The following SMYD2 variants were observed in gnomAD, a reference collection of about 807,000 sequenced individuals.
SMYD2 encodes the protein SET and MYND domain containing 2.
In SMYD2, 53 loss-of-function variants were observed where a neutral mutation model predicts 59.1. The observed-to-expected ratio is 0.90, with a 90% CI of 0.72 to 1.13. The LOEUF (loss-of-function observed/expected upper bound fraction) is 1.13. Ranked by LOEUF, SMYD2 falls within the 50% of genes most tolerant of loss-of-function variation. The pLI, the probability that SMYD2 is intolerant of heterozygous loss-of-function variation, is 0.00. For missense variants in SMYD2, 494 were observed against 544.7 expected, an observed-to-expected ratio of 0.91 and a Z score of 0.93; for synonymous variants, 208 against 198.8, an observed-to-expected ratio of 1.05 and a Z score of -0.39.
intron 1 of SMYD2, among the ~76,000 whole-genome samples, chr1:214,297,540 C>T (rs1345896804): frequency 6.6e-6 from 1 of 152,132 alleles, no homozygotes; most frequent in African/African-American, 2.4e-5. Flanking sequence ...TAGTCGAACA[C>T]TCATAGGATC....
intron 1 of SMYD2, among the ~76,000 whole-genome samples, chr1:214,287,358 G>A (rs1016916644): frequency 6.6e-5 from 10 of 151,520 alleles, no homozygotes; most frequent in Admixed American, 5.3e-4. Context: ...AAGCCGAGGC[G>A]GGCGGATTAC....
At position 214,305,179 on chromosome 1, in the gene SMYD2, T is replaced by C. The variant is rs1213125209; in HGVS notation, c.174-8T>C. 1 of 1,613,934 alleles carries C rather than the reference T, an allele frequency of 6.2e-7. No individual in the cohort carries two copies. Among genetic ancestry groups the C allele is most frequent in the Non-Finnish European group, 8.5e-7 (1 of 1,179,912 alleles). On this transcript the variant is annotated splice_polypyrimidine_tract_variant and splice_region_variant and intron_variant, in intron 1 of 11. Coordinates refer to ENST00000366957, the MANE Select transcript of SMYD2 (RefSeq NM_020197.3). The stretch of plus-strand genomic sequence containing the variant: ...TGTCACCACTACAGTGCCCTTTCTG[T>C]TTTTAAGGAAAGAAGGATTGTCCAA...
intron 1 of SMYD2, among the ~76,000 whole-genome samples, chr1:214,290,572 G>T (rs1184494837): frequency 2.6e-5 from 4 of 152,176 alleles, no homozygotes; most frequent in Non-Finnish European, 5.9e-5. Flanking sequence ...AGTGCACTGT[G>T]ATGCTCAGGG....
At chr1:214,310,935 C>CA (rs1182424992) in intron 2 of SMYD2, among the ~76,000 whole-genome samples, 1 of 152,074 alleles carries the variant, frequency 6.6e-6, no homozygotes, top group Non-Finnish European at 1.5e-5. Context: ...TAAAGCTGTG[C>CA]AGTGCCATTG....
At chr1:214,317,955 A>G in intron 3 of SMYD2, 124 bp from the exon 4 acceptor site, 1 of 921,794 alleles carries the variant, frequency 1.1e-6, no homozygotes, top group Non-Finnish European at 1.7e-6. Flanking sequence ...GTCCTTGAGT[A>G]GCTTGTTTTA....
chr1:214,334,376 C>A, intron 11 of SMYD2, 68 bp downstream of exon 11: 1 of 1,373,594 alleles, frequency 7.3e-7, no homozygotes, highest in Non-Finnish European at 1.0e-6. Flanking sequence ...CTCCTTCATG[C>A]CTCACCAGGC....
At chr1:214,324,914 G>A (rs1419705908) in intron 6 of SMYD2, among the ~76,000 whole-genome samples, 1 of 152,212 alleles carries the variant, frequency 6.6e-6, no homozygotes, top group African/African-American at 2.4e-5. Context: ...ACAGTTGCTT[G>A]TTAAGTCCTG....
chr1:214,305,168 T>C lies in SMYD2; in HGVS notation c.174-19T>C. 1.9e-6 allele frequency: 3 copies of C among 1,612,884 alleles called. No homozygotes were observed. Among genetic ancestry groups the C allele is most frequent in the Non-Finnish European group, 2.5e-6 (3 of 1,178,798 alleles). ...GTTTCTGTGTCTGTCACCACTACAGTGCCCTTTCTGTTTTTAAGGAAAGAA... is the reference window on the plus strand; with the variant it reads ...GTTTCTGTGTCTGTCACCACTACAGCGCCCTTTCTGTTTTTAAGGAAAGAA... On this transcript the variant is annotated intron_variant, in intron 1 of 11. Transcript: ENST00000366957.
chr1:214,294,657 C>G (rs1656694712), intron 1 of SMYD2, among the ~76,000 whole-genome samples: 1 of 152,164 alleles, frequency 6.6e-6, no homozygotes, highest in Non-Finnish European at 1.5e-5. Context: ...GGTGACAGAG[C>G]AAGACCCTCT....
chr1:214,330,332 T>C, intron 8 of SMYD2, 54 bp downstream of exon 8: 1 of 1,233,688 alleles, frequency 8.1e-7, no homozygotes. Flanking sequence ...TCAGGACCTC[T>C]CTGCTGAAGA....
chr1:214,334,416 G>A, intron 11 of SMYD2, 108 bp downstream of exon 11: 1 of 999,392 alleles, frequency 1.0e-6, no homozygotes, highest in Non-Finnish European at 1.6e-6. Flanking sequence ...AGGGTGAGCA[G>A]CTCTCACCCA....
chr1:214,288,681 A>G (rs898441836), intron 1 of SMYD2, among the ~76,000 whole-genome samples: 1 of 152,248 alleles, frequency 6.6e-6, no homozygotes, highest in Non-Finnish European at 1.5e-5. Context: ...TCTATATTTT[A>G]TGCTGATATG....
At chr1:214,336,518 C>T (rs993040072) in intron 11 of SMYD2, among the ~76,000 whole-genome samples, 186 bp from the exon 12 acceptor site, 1 of 151,922 alleles carries the variant, frequency 6.6e-6, no homozygotes, top group Non-Finnish European at 1.5e-5. Context: ...GGCGACAGAG[C>T]GAGACTCCGT....
chr1:214,315,850 T>C (rs6676709), intron 3 of SMYD2, among the ~76,000 whole-genome samples: 57,207 of 152,038 alleles, frequency 0.38, 10,863 homozygotes, highest in East Asian at 0.57. Flanking sequence ...ATAGACAAAG[T>C]AGAAATCTTA....
At chr1:214,313,236 C>A (rs1452053996) in intron 2 of SMYD2, among the ~76,000 whole-genome samples, 1 of 152,166 alleles carries the variant, frequency 6.6e-6, no homozygotes, top group Non-Finnish European at 1.5e-5. Context: ...CCTGCCTCAG[C>A]CTCCTGAGTA....
chr1:214,320,558 C>G (rs893587182), intron 5 of SMYD2, among the ~76,000 whole-genome samples: 1 of 152,086 alleles, frequency 6.6e-6, no homozygotes, highest in South Asian at 2.1e-4. Context: ...CCCAAGAGTT[C>G]GAGGCTGCAG....
intron 7 of SMYD2, among the ~76,000 whole-genome samples, chr1:214,329,747 A>G (rs548515220): frequency 6.6e-6 from 1 of 152,088 alleles, no homozygotes; most frequent in Non-Finnish European, 1.5e-5. Flanking sequence ...GTGCGTGCTC[A>G]TGCCCTCCCC....
intron 2 of SMYD2, among the ~76,000 whole-genome samples, chr1:214,309,792 G>A (rs1309612611): frequency 1.3e-5 from 2 of 152,152 alleles, no homozygotes; most frequent in East Asian, 1.9e-4. Context: ...AGGAAGAAAT[G>A]TGTGTGAATG....
chr1:214,318,030 C>T lies in SMYD2; in HGVS notation c.349-49C>T. ...AAAGTGAAAGTGCCACTTTATTACA[C>T]TGGTTGTTAAAAAATCTGTATCTGT... is the stretch of plus-strand genomic sequence containing the variant. On this transcript the variant is annotated intron_variant, in intron 3 of 11. Coordinates refer to ENST00000366957, the MANE Select transcript of SMYD2 (RefSeq NM_020197.3). This position sits in a 1 kb window ranked among gnomAD's most constrained non-coding sequence, Gnocchi z 5.4. 11 of 1,528,224 alleles carry T rather than the reference C, an allele frequency of 7.2e-6. No homozygotes were observed. The highest frequency in any genetic ancestry group is 1.4e-5 in the African/African-American group (1 of 73,072). The allele number at this position is 1,528,224 out of a possible 1,614,324, so 94.7% of individuals were successfully genotyped here.
Sources: gnomAD v4.1 joint callset for allele counts (sites outside exome capture counted in the v4.1 genomes callset) on GRCh38, gnomAD v4.1.1 for gene constraint, Gnocchi (gnomAD v3.1) non-coding constraint, MANE v1.5 for transcripts, NCBI Gene and HGNC (gene_info 2026-07-23, HGNC 2026-07-21) for gene names.